Variants in EYS observed in about 807,000 individuals in gnomAD.
EYS encodes the protein protein eyes shut homolog.
Under a neutral mutation model 282.1 loss-of-function variants are expected in EYS, and 250 were observed. The observed-to-expected ratio is 0.89, with a 90% CI of 0.80 to 0.98. The LOEUF (loss-of-function observed/expected upper bound fraction) is 0.98. EYS is among the 50% of genes least tolerant of loss of function. EYS has a pLI of 0.00. For synonymous variants in EYS, 1,355 were observed against 1,282.9 expected, an observed-to-expected ratio of 1.06 and a Z score of -1.20; for missense variants, 4,016 against 3,709.0, an observed-to-expected ratio of 1.08 and a Z score of -2.15.
intron 41 of EYS, among the ~76,000 whole-genome samples, chr6:63,738,629 C>T (rs1407943608): frequency 6.7e-6 from 1 of 150,184 alleles, no homozygotes; most frequent in East Asian, 2.0e-4. Context: ...GGAGATATAC[C>T]TAATGCTAAA....
intron 13 of EYS, among the ~76,000 whole-genome samples, chr6:65,013,823 C>T (rs1771957067): frequency 6.6e-6 from 1 of 152,088 alleles, no homozygotes; most frequent in Non-Finnish European, 1.5e-5. Flanking sequence ...TGTGATTGAG[C>T]CACTGCATTT....
intron 36 of EYS, among the ~76,000 whole-genome samples, chr6:63,826,845 C>CAAAAAAAAAAAAAAAAAAAAGAAAAA (rs59957107): frequency 2.6e-5 from 2 of 76,762 alleles, no homozygotes; most frequent in Non-Finnish European, 5.0e-5. Flanking sequence ...AGTTAAAAAG[C>CAAAAAAAAAAAAAAAAAAAAGAAAAA]AAAAAAAAAA....
chr6:65,473,488 C>T (rs1765290482), intron 5 of EYS, among the ~76,000 whole-genome samples: 2 of 151,830 alleles, frequency 1.3e-5, no homozygotes, highest in Admixed American at 1.3e-4. Flanking sequence ...GTTGGGATTT[C>T]CACCAACTGT....
chr6:65,126,285 G>A (rs964687364), intron 12 of EYS, among the ~76,000 whole-genome samples: 5 of 152,062 alleles, frequency 3.3e-5, no homozygotes, highest in African/African-American at 9.7e-5. Flanking sequence ...TTTAGCACAC[G>A]AATGTGCTCA....
At chr6:64,835,352 G>T (rs979425875) in intron 19 of EYS, among the ~76,000 whole-genome samples, 23 of 151,684 alleles carry the variant, frequency 1.5e-4, no homozygotes, top group African/African-American at 5.6e-4. Flanking sequence ...AGAGATTGTT[G>T]TTGAGGGAGC....
intron 5 of EYS, chr6:65,489,249 A>G (rs1765931597): frequency 6.6e-6 from 1 of 152,240 alleles, no homozygotes; most frequent in African/African-American, 2.4e-5. Context: ...GTTAATAACC[A>G]GAATCTACAA....
intron 35 of EYS, among the ~76,000 whole-genome samples, chr6:63,876,195 G>T (rs1357445427): frequency 2.0e-5 from 3 of 152,124 alleles, no homozygotes; most frequent in Non-Finnish European, 4.4e-5. Context: ...TGGTTTCAAA[G>T]AACATCTTTA....
chr6:65,538,120 G>A (rs1014934911), intron 2 of EYS, among the ~76,000 whole-genome samples: 2 of 152,110 alleles, frequency 1.3e-5, no homozygotes, highest in African/African-American at 4.8e-5. Context: ...ACTTTAAAGA[G>A]TTTCTAGCAA....
At chr6:64,174,759 C>A (rs1764578282) in intron 31 of EYS, among the ~76,000 whole-genome samples, 1 of 151,778 alleles carries the variant, frequency 6.6e-6, no homozygotes, top group South Asian at 2.1e-4. Flanking sequence ...GAAGATAATA[C>A]CTCACTAAAA....
At chr6:63,877,191 C>T (rs900125534) in intron 35 of EYS, among the ~76,000 whole-genome samples, 4 of 152,132 alleles carry the variant, frequency 2.6e-5, no homozygotes, top group African/African-American at 7.2e-5. Flanking sequence ...TCAGCATTTG[C>T]TTGTCTGTAA....
intron 22 of EYS, among the ~76,000 whole-genome samples, chr6:64,752,491 C>A (rs1241173719): frequency 1.3e-5 from 2 of 151,900 alleles, no homozygotes; most frequent in Non-Finnish European, 2.9e-5. Flanking sequence ...ACACTGCATT[C>A]AAAAAATATG....
intron 12 of EYS, among the ~76,000 whole-genome samples, chr6:65,098,911 C>A (rs1401740736): frequency 6.6e-6 from 1 of 150,554 alleles, no homozygotes; most frequent in African/African-American, 2.4e-5. Context: ...AAAATAATAA[C>A]AATTTTTTCA....
At chr6:65,673,328 T>C (rs1369011822) in intron 1 of EYS, among the ~76,000 whole-genome samples, 2 of 151,892 alleles carry the variant, frequency 1.3e-5, no homozygotes, top group African/African-American at 2.4e-5. Context: ...AAGGAAGATT[T>C]TGTGGTAAGA....
intron 12 of EYS, among the ~76,000 whole-genome samples, chr6:65,082,047 C>G (rs1008570712): frequency 2.0e-5 from 3 of 152,022 alleles, no homozygotes; most frequent in Admixed American, 2.0e-4. Flanking sequence ...TTTACAATTA[C>G]CCTGAGTTCA....
chr6:64,324,706 T>C (rs1011831673), intron 29 of EYS, among the ~76,000 whole-genome samples: 6 of 152,180 alleles, frequency 3.9e-5, no homozygotes, highest in Admixed American at 6.5e-5. Context: ...GGACTGTATA[T>C]TTAGAAAACC....
In EYS at chr6:64,102,059, C is replaced by T. The variant is rs181014550; in HGVS notation, c.6425-20057G>A. Among the ~76,000 whole-genome samples, 405 of 152,116 alleles carry T rather than the reference C, an allele frequency of 2.7e-3. 1 individual carries two copies. The highest frequency in any genetic ancestry group is 9.1e-3 in the African/African-American group (377 of 41,500). On this transcript the variant is annotated intron_variant, in intron 31 of 42. Coordinates refer to ENST00000503581, the MANE Select transcript of EYS (RefSeq NM_001142800.2). ...TACAGAGGAAGCTTCGCTGGATCAC[C>T]CACCACTCTCCTCCTTCTGTGCCGC...
chr6:64,549,822 G>A (rs533487731), intron 26 of EYS, among the ~76,000 whole-genome samples: 1 of 150,904 alleles, frequency 6.6e-6, no homozygotes, highest in African/African-American at 2.4e-5. Flanking sequence ...TGCCATGTTG[G>A]TGTGCTGCAC....
chr6:65,301,949 T>G (rs1204485668), intron 11 of EYS, among the ~76,000 whole-genome samples: 1 of 152,268 alleles, frequency 6.6e-6, no homozygotes, highest in Non-Finnish European at 1.5e-5. Context: ...AATTGACTAG[T>G]ATTAAGTGTG....
intron 33 of EYS, among the ~76,000 whole-genome samples, chr6:64,029,427 A>G (rs1426837271): frequency 6.6e-6 from 1 of 152,218 alleles, no homozygotes; most frequent in Middle Eastern, 3.2e-3. Flanking sequence ...TGTAAATGGC[A>G]TACTAGGTGC....
Sources: gnomAD v4.1 joint callset for allele counts (sites outside exome capture counted in the v4.1 genomes callset) on GRCh38, gnomAD v4.1.1 for gene constraint, MANE v1.5 for transcripts, NCBI Gene and HGNC (gene_info 2026-07-23, HGNC 2026-07-21) for gene names.